Variants in TMC1 observed in about 807,000 individuals in gnomAD.
The protein encoded by TMC1 is transmembrane channel-like protein 1.
TMC1 carries 84 observed loss-of-function variants against 105.8 expected under a neutral mutation model. The ratio of observed to expected loss-of-function variants is 0.79; its 90% CI spans 0.67 to 0.95. The LOEUF is 0.95. TMC1 is among the 40% of genes least tolerant of loss of function. The pLI, the probability that TMC1 is intolerant of heterozygous loss-of-function variation, is 0.00. For synonymous variants in TMC1, 315 were observed against 311.5 expected, an observed-to-expected ratio of 1.01 and a Z score of -0.12; for missense variants, 817 against 914.1, an observed-to-expected ratio of 0.89 and a Z score of 1.37.
chr9:72,764,512 C>T (rs545369213), intron 12 of TMC1, among the ~76,000 whole-genome samples: 3 of 152,212 alleles, frequency 2.0e-5, no homozygotes, highest in African/African-American at 7.2e-5. Context: ...TGCAATTAGA[C>T]AGTAGGAAAA....
intron 18 of TMC1, among the ~76,000 whole-genome samples, chr9:72,806,831 G>A (rs973955423): frequency 1.3e-5 from 2 of 152,118 alleles, no homozygotes; most frequent in African/African-American, 4.8e-5. Context: ...GGGCGGCCAG[G>A]CAGAGACGCT....
chr9:72,615,084 T>C (rs1825105516), intron 2 of TMC1, among the ~76,000 whole-genome samples: 1 of 152,182 alleles, frequency 6.6e-6, no homozygotes, highest in Admixed American at 6.5e-5. Context: ...TTAAACCAAA[T>C]TTGGCTTCAA....
Position 72,639,240 on chromosome 9 carries a change from A to G in TMC1, c.-52-9357A>G, listed in dbSNP as rs984135749. ...TTCTAATGTACTATAACTTATTCTA[A>G]TATTTCATGGGATTTATTTGCAATT... On this transcript the variant is annotated intron_variant, in intron 4 of 23. Transcript: ENST00000297784. Among the ~76,000 whole-genome samples, 5 of 152,164 alleles carry G rather than the reference A, an allele frequency of 3.3e-5. No individual in the cohort carries two copies. The South Asian group carries it at 1.0e-3, about 32-fold the overall frequency.
Position 72,835,934 on chromosome 9 carries a change from T to TTTTCTTTTTTG in TMC1, c.2261-16_2261-15insTTCTTTTTTGT. The TTTTCTTTTTTG allele has an allele frequency of 1.3e-6, 2 of 1,565,864 alleles. No individual in the cohort carries two copies. The highest frequency in any genetic ancestry group is 1.7e-6 in the Non-Finnish European group (2 of 1,162,676). On this transcript the variant is annotated splice_polypyrimidine_tract_variant and intron_variant, in intron 23 of 23. Transcript: ENST00000297784. ...CTCCTTGTTTTTTTTTTTTTTTTTT[T>TTTTCTTTTTTG]TCTGTTTTGTGAACAGCTGCAGCTG...
chr9:72,702,655 AG>A (rs1248784026), intron 8 of TMC1, among the ~76,000 whole-genome samples: 1 of 152,112 alleles, frequency 6.6e-6, no homozygotes, highest in Non-Finnish European at 1.5e-5. Flanking sequence ...AGTCACAATC[AG>A]ACCCCAGAAG....
At chr9:72,699,454 C>T (rs1415995146) in intron 7 of TMC1, among the ~76,000 whole-genome samples, 1 of 151,972 alleles carries the variant, frequency 6.6e-6, no homozygotes, top group African/African-American at 2.4e-5. Flanking sequence ...CTTTCTTTCT[C>T]TTGAGACAGG....
chr9:72,558,061 A>AAT (rs1823974352), intron 1 of TMC1, among the ~76,000 whole-genome samples: 1 of 152,188 alleles, frequency 6.6e-6, no homozygotes, highest in Non-Finnish European at 1.5e-5. Flanking sequence ...AATAAAATAA[A>AAT]AATGCTTCTT....
intron 12 of TMC1, among the ~76,000 whole-genome samples, chr9:72,768,118 A>G (rs988896459): frequency 1.3e-5 from 2 of 152,220 alleles, no homozygotes; most frequent in Admixed American, 1.3e-4. Flanking sequence ...TGTGGCACAT[A>G]TACACCATGG....
intron 1 of TMC1, among the ~76,000 whole-genome samples, chr9:72,570,263 G>A (rs558196352): frequency 7.0e-6 from 1 of 143,260 alleles, no homozygotes; most frequent in Non-Finnish European, 1.5e-5. Flanking sequence ...GTGTGTGTGT[G>A]TGGTAAATAC....
intron 2 of TMC1, among the ~76,000 whole-genome samples, chr9:72,602,541 ATTT>A (rs779623659): frequency 2.8e-4 from 42 of 151,744 alleles, no homozygotes; most frequent in Admixed American, 3.9e-4. Flanking sequence ...TGCTTGGCTA[ATTT>A]TTGTATTTTT....
At position 72,788,444 on chromosome 9, in the gene TMC1, A is replaced by G. The variant is rs1429959701; in HGVS notation, c.990A>G (p.Thr330=). The change falls in exon 14 of 24, where the codon ACA becomes ACG. Residue 330 remains threonine (T), a synonymous_variant. Coordinates refer to ENST00000297784, the MANE Select transcript of TMC1 (RefSeq NM_138691.3). The part of the protein sequence containing the change: ...SWDYLIGNPE[T]ADNKFNSITM... Reference sequence around the variant, plus strand: ...ACTACCTGATCGGCAATCCTGAAACAGCAGACAACAAATTTAATTCTATCA... The same window carrying G: ...ACTACCTGATCGGCAATCCTGAAACGGCAGACAACAAATTTAATTCTATCA... The G allele has an allele frequency of 1.2e-6, 2 of 1,614,072 alleles. No individual in the cohort carries two copies. The highest frequency in any genetic ancestry group is 1.7e-6 in the Non-Finnish European group (2 of 1,179,926).
At chr9:72,617,908 GGTGTGTGTGTGTGT>G (rs58657161) in intron 3 of TMC1, among the ~76,000 whole-genome samples, 15,142 of 144,368 alleles carry the variant, frequency 0.1, 806 homozygotes, top group Non-Finnish European at 0.13. Flanking sequence ...GTCTATGTGT[GGTGTGTGTGTGTGT>G]GTGTGTGTGT....
At chr9:72,544,496 T>G (rs556886375) in intron 1 of TMC1, among the ~76,000 whole-genome samples, 170 of 150,090 alleles carry the variant, frequency 1.1e-3, no homozygotes, top group Non-Finnish European at 2.0e-3. Context: ...TTTTTTTTTT[T>G]GTGAGAAAGT....
rs185240342 is a variant in TMC1, at chr9:72,590,185, G to A, written c.-306+12162G>A. Among the ~76,000 whole-genome samples, 430 of 152,214 alleles carry A rather than the reference G, an allele frequency of 2.8e-3. 1 individual carries two copies. The highest frequency in any genetic ancestry group is 0.01 in the African/African-American group (417 of 41,504). On this transcript the variant is annotated intron_variant, in intron 2 of 23. Coordinates refer to ENST00000297784, the MANE Select transcript of TMC1 (RefSeq NM_138691.3). ...TTGGATTCAAATGATAGCATTTTCA[G>A]CTCATGAAAAATTCTATAACAAGTG...
intron 8 of TMC1, among the ~76,000 whole-genome samples, chr9:72,701,736 C>T (rs1826649743): frequency 6.6e-6 from 1 of 152,126 alleles, no homozygotes; most frequent in Admixed American, 6.5e-5. Context: ...CCTTAGTTAC[C>T]TCATATCCAA....
At chr9:72,569,513 A>G (rs1824231855) in intron 1 of TMC1, among the ~76,000 whole-genome samples, 1 of 152,242 alleles carries the variant, frequency 6.6e-6, no homozygotes, top group Non-Finnish European at 1.5e-5. Context: ...GATAAGAATC[A>G]GGAAAGTTTT....
At chr9:72,585,380 G>C (rs1029971656) in intron 2 of TMC1, among the ~76,000 whole-genome samples, 1 of 150,810 alleles carries the variant, frequency 6.6e-6, no homozygotes, top group Non-Finnish European at 1.5e-5. Context: ...TCAATCTCCT[G>C]ACCTCGTGAT....
intron 3 of TMC1, among the ~76,000 whole-genome samples, chr9:72,625,424 C>T (rs745370284): frequency 4.6e-5 from 7 of 152,114 alleles, no homozygotes; most frequent in Non-Finnish European, 1.0e-4. Flanking sequence ...CACGGTGGCT[C>T]ACGCCTGTAA....
At chr9:72,610,747 T>A (rs1825012111) in intron 2 of TMC1, among the ~76,000 whole-genome samples, 1 of 152,192 alleles carries the variant, frequency 6.6e-6, no homozygotes, top group Non-Finnish European at 1.5e-5. Flanking sequence ...TGCATAAAAT[T>A]AAACACCATA....
Sources: gnomAD v4.1 joint callset for allele counts (sites outside exome capture counted in the v4.1 genomes callset) on GRCh38, gnomAD v4.1.1 for gene constraint, MANE v1.5 for transcripts, NCBI Gene and HGNC (gene_info 2026-07-23, HGNC 2026-07-21) for gene names.